The following DGKB variants were observed in gnomAD, a reference collection of about 807,000 sequenced individuals.
DGKB encodes the protein 90 kDa diacylglycerol kinase.
DGKB carries 67 observed loss-of-function variants against 114.3 expected under a neutral mutation model. The ratio of observed to expected loss-of-function variants is 0.59; its 90% CI spans 0.48 to 0.72. The LOEUF is 0.72. DGKB is among the 30% of genes least tolerant of loss of function. The probability of loss-of-function intolerance (pLI) is 0.00; values close to 1 mark genes in which losing one functional copy is unlikely to be tolerated. For missense variants in DGKB, 907 were observed against 975.2 expected (o/e 0.93, Z 0.93); for synonymous variants, 398 against 323.1 (o/e 1.23, Z -2.49).
At chr7:14,755,919 A>T (rs549912918) in intron 3 of DGKB, among the ~76,000 whole-genome samples, 1 of 152,080 alleles carries the variant, frequency 6.6e-6, no homozygotes, top group Non-Finnish European at 1.5e-5. Flanking sequence ...TTTTAATAAC[A>T]TGTTTCAACA....
At position 14,149,066 on chromosome 7, in the gene DGKB, T is replaced by C; in HGVS notation, c.*65A>G. 1 of 1,372,282 alleles carries C rather than the reference T, an allele frequency of 7.3e-7. No individual in the cohort carries two copies. The highest frequency in any genetic ancestry group is 1.0e-6 in the Non-Finnish European group (1 of 961,128). The allele number at this position is 1,372,282 out of a possible 1,614,324, so 85.0% of individuals were successfully genotyped here. Reference sequence around the variant, plus strand: ...GGAGACTTGAAATGGTTCAAAGATTTCCAGCATATGTGTTCCATGGCCCAA... The same window carrying C: ...GGAGACTTGAAATGGTTCAAAGATTCCCAGCATATGTGTTCCATGGCCCAA... On this transcript the variant is annotated 3_prime_UTR_variant, in exon 26 of 26. Coordinates refer to ENST00000402815, the MANE Select transcript of DGKB (RefSeq NM_001350709.2).
chr7:14,740,078 G>A (rs1313067797), intron 4 of DGKB, among the ~76,000 whole-genome samples: 4 of 152,170 alleles, frequency 2.6e-5, no homozygotes, highest in East Asian at 1.9e-4. Context: ...TAGAGGCCCC[G>A]TGCAGACAGC....
At chr7:14,188,442 C>T (rs933211460) in intron 23 of DGKB, among the ~76,000 whole-genome samples, 2 of 120,630 alleles carry the variant, frequency 1.7e-5, no homozygotes, top group East Asian at 2.3e-4. Context: ...GGGCGGATCA[C>T]GAGGTCAGGA....
At chr7:14,644,497 T>C (rs1195222466) in intron 13 of DGKB, among the ~76,000 whole-genome samples, 1 of 152,190 alleles carries the variant, frequency 6.6e-6, no homozygotes, top group East Asian at 1.9e-4. Context: ...ATTCATGATC[T>C]GAATGAGAAA....
intron 1 of DGKB, among the ~76,000 whole-genome samples, chr7:14,874,464 G>A (rs951635668): frequency 3.3e-5 from 5 of 151,886 alleles, no homozygotes; most frequent in African/African-American, 1.2e-4. Context: ...TAATCTATGA[G>A]AATCCCAATT....
At chr7:14,289,459 C>T (rs1288189827) in intron 23 of DGKB, among the ~76,000 whole-genome samples, 1 of 152,088 alleles carries the variant, frequency 6.6e-6, no homozygotes, top group African/African-American at 2.4e-5. Flanking sequence ...TTATACACTA[C>T]ACTAAAATCT....
chr7:14,718,605 G>A lies in DGKB; in HGVS notation c.403C>T (p.Leu135=), dbSNP rs761026201. Residue 135 remains leucine, a synonymous_variant, in exon 6 of 26, where the codon CTG becomes TTG. Coordinates refer to ENST00000402815, the MANE Select transcript of DGKB (RefSeq NM_001350709.2). ...ANTCSPEVIH[L]KDIVCYLSLL... is the part of the protein sequence containing the mutation. ...GACAGGTAACAGACAATGTCCTTCA[G>A]ATGGATTACTTCTGGGGAACACGTA... is the stretch of plus-strand genomic sequence containing the variant. 2 of 1,612,832 alleles carry A rather than the reference G, an allele frequency of 1.2e-6. No homozygotes were observed. The highest frequency in any genetic ancestry group is 1.1e-5 in the South Asian group (1 of 90,996).
At chr7:14,875,822 T>G (rs1003992710) in intron 1 of DGKB, among the ~76,000 whole-genome samples, 1 of 151,960 alleles carries the variant, frequency 6.6e-6, no homozygotes, top group African/African-American at 2.4e-5. Context: ...TTTTTTTTTG[T>G]GATTTTTGTG....
chr7:14,938,107 A>C (rs1179963211), intron 1 of DGKB, among the ~76,000 whole-genome samples: 1 of 152,204 alleles, frequency 6.6e-6, no homozygotes, highest in African/African-American at 2.4e-5. Context: ...TGTGCATACA[A>C]ATACACAAGT....
chr7:14,490,458 A>AATTGG, intron 20 of DGKB, among the ~76,000 whole-genome samples: 1 of 152,174 alleles, frequency 6.6e-6, no homozygotes. Context: ...GTGCCCAGCT[A>AATTGG]ATAAACAAAT....
intron 23 of DGKB, among the ~76,000 whole-genome samples, chr7:14,333,613 T>C (rs1194089697): frequency 1.3e-5 from 2 of 152,152 alleles, no homozygotes; most frequent in Non-Finnish European, 2.9e-5. Flanking sequence ...GACATATATA[T>C]ATAATCAAAT....
chr7:14,744,608 G>A (rs1833006269), intron 4 of DGKB, among the ~76,000 whole-genome samples: 1 of 152,140 alleles, frequency 6.6e-6, no homozygotes, highest in Admixed American at 6.5e-5. Context: ...GATTCCTTAT[G>A]GAACAGAATT....
chr7:14,340,986 TC>T (rs1811515369), intron 22 of DGKB, among the ~76,000 whole-genome samples: 1 of 137,434 alleles, frequency 7.3e-6, no homozygotes, highest in South Asian at 2.3e-4. Flanking sequence ...CAAAGAGGCT[TC>T]TTTTTTTTTT....
At chr7:14,729,750 T>G (rs1184532862) in intron 5 of DGKB, among the ~76,000 whole-genome samples, 2 of 152,198 alleles carry the variant, frequency 1.3e-5, no homozygotes, top group Non-Finnish European at 2.9e-5. Context: ...AGTTCAAAAG[T>G]GGTTTACAAT....
chr7:14,172,653 G>C (rs1268500431), intron 25 of DGKB, among the ~76,000 whole-genome samples: 1 of 152,008 alleles, frequency 6.6e-6, no homozygotes, highest in African/African-American at 2.4e-5. Flanking sequence ...GGAGAGATAT[G>C]GGGAGGCAAA....
intron 5 of DGKB, among the ~76,000 whole-genome samples, chr7:14,729,948 T>C (rs910455580): frequency 6.6e-6 from 1 of 152,178 alleles, no homozygotes; most frequent in African/African-American, 2.4e-5. Flanking sequence ...TGCCTATTAT[T>C]ATTTAAAGGG....
chr7:14,415,165 G>T (rs2128751183), intron 21 of DGKB, among the ~76,000 whole-genome samples: 1 of 151,256 alleles, frequency 6.6e-6, no homozygotes, highest in Admixed American at 6.6e-5. Flanking sequence ...TTCCTTTTTG[G>T]AATTTGACTA....
chr7:14,829,873 T>C (rs1208341227), intron 2 of DGKB, among the ~76,000 whole-genome samples: 1 of 152,056 alleles, frequency 6.6e-6, no homozygotes, highest in Non-Finnish European at 1.5e-5. Flanking sequence ...TGGCTACAGT[T>C]ATTGCTACTT....
chr7:14,751,271 T>C (rs1834086590), intron 4 of DGKB, among the ~76,000 whole-genome samples: 1 of 152,222 alleles, frequency 6.6e-6, no homozygotes, highest in African/African-American at 2.4e-5. Flanking sequence ...TTAACTTCTA[T>C]ATCAATTGTT....
Sources: allele counts gnomAD v4.1 joint callset (sites outside exome capture counted in the v4.1 genomes callset), GRCh38; gene constraint gnomAD v4.1.1; transcripts MANE v1.5; gene names NCBI Gene and HGNC (gene_info 2026-07-23, HGNC 2026-07-21).